The following FAM53A variants were observed in gnomAD, a reference collection of about 807,000 sequenced individuals.
FAM53A encodes the protein family with sequence similarity 53 member A.
A neutral mutation model predicts 26.6 loss-of-function variants in FAM53A; 28 were observed. That is an observed-to-expected ratio of 1.05 (90% CI 0.78 to 1.45). FAM53A has a LOEUF of 1.45. Among genes scored for constraint, FAM53A ranks in the 40% most tolerant of loss-of-function variants. FAM53A has a pLI of 0.00. For synonymous variants in FAM53A, 290 were observed against 253.1 expected (o/e 1.15, Z -1.38); for missense variants, 650 against 575.8 (o/e 1.13, Z -1.32).
rs1273719105 is a variant in FAM53A at position 1,630,630 on chromosome 4, A to G, written c.432-12519T>C. ...CTCACCGCCACTCCCAAGACAGGCC[A>G]GGAGCCTGCTCTAAACACCATCGTG... On this transcript the variant is annotated intron_variant, in intron 1 of 1. Coordinates refer to the FAM53A transcript ENST00000489029. This position sits in a 1 kb window ranked among gnomAD's most constrained non-coding sequence, Gnocchi z 4.3. Among the ~76,000 whole-genome samples, 1 of 152,192 alleles carries G rather than the reference A, an allele frequency of 6.6e-6. No individual in the cohort carries two copies. Among genetic ancestry groups the G allele is most frequent in the Non-Finnish European group, 1.5e-5 (1 of 68,032 alleles).
chr4:1,595,010 C>T, the FAM53A span, among the ~76,000 whole-genome samples: 1 of 152,346 alleles, frequency 6.6e-6, no homozygotes, highest in South Asian at 2.1e-4. Flanking sequence ...CCATCTGCCA[C>T]CCCATCCCCC....
downstream of FAM53A, among the ~76,000 whole-genome samples, chr4:1,613,210 G>C (rs1560098345): frequency 1.3e-5 from 2 of 152,244 alleles, no homozygotes; most frequent in African/African-American, 4.8e-5. Flanking sequence ...CACAGACTGA[G>C]TAATTTACAA....
the FAM53A span, among the ~76,000 whole-genome samples, chr4:1,603,753 G>T: frequency 6.6e-6 from 1 of 152,228 alleles, no homozygotes; most frequent in African/African-American, 2.4e-5. Context: ...TTGCCCCAAA[G>T]AAAGGGTTAA....
chr4:1,666,012 C>T (rs1714198460), intron 2 of FAM53A, among the ~76,000 whole-genome samples: 1 of 84,164 alleles, frequency 1.2e-5, no homozygotes, highest in South Asian at 4.6e-4. Context: ...TAAAATAAAA[C>T]CTGCACCTGC....
At chr4:1,606,626 G>A in the FAM53A span, among the ~76,000 whole-genome samples, 18 of 152,326 alleles carry the variant, frequency 1.2e-4, no homozygotes, top group South Asian at 4.2e-4. Flanking sequence ...GTCCTCTGAC[G>A]ATGGCTCGTT....
the FAM53A span, among the ~76,000 whole-genome samples, chr4:1,584,654 G>A: frequency 1.3e-5 from 2 of 152,208 alleles, no homozygotes; most frequent in African/African-American, 4.8e-5. Context: ...GGCAATGGAG[G>A]CTGGCTGTCA....
intron 1 of FAM53A, among the ~76,000 whole-genome samples, chr4:1,620,556 G>A (rs899494656): frequency 4.0e-5 from 6 of 151,364 alleles, no homozygotes; most frequent in Non-Finnish European, 7.4e-5. Context: ...CACCACATAG[G>A]ACGCCTGTAA....
the FAM53A span, among the ~76,000 whole-genome samples, chr4:1,578,382 G>C: frequency 0.015 from 2,246 of 152,232 alleles, 54 homozygotes; most frequent in African/African-American, 0.051. Context: ...CAGGCAGGAG[G>C]GGCCGACCAG....
chr4:1,632,774 C>T (rs945420871), intron 1 of FAM53A, among the ~76,000 whole-genome samples: 2 of 152,200 alleles, frequency 1.3e-5, no homozygotes, highest in African/African-American at 4.8e-5. Flanking sequence ...CACACGTGTG[C>T]ATATTATACA....
chr4:1,660,806 G>A (rs191878264), intron 2 of FAM53A, among the ~76,000 whole-genome samples: 5 of 151,828 alleles, frequency 3.3e-5, no homozygotes, highest in African/African-American at 4.8e-5. Context: ...GGAGAATGGC[G>A]TGAGGCAGAG....
At chr4:1,657,387 C>T (rs1713466372) in intron 3 of FAM53A, 21 bp downstream of exon 3, 1 of 1,611,006 alleles carries the variant, frequency 6.2e-7, no homozygotes, top group South Asian at 1.1e-5. Context: ...GGCCTCCGGC[C>T]ACAGCTCCTA....
chr4:1,619,859 G>A (rs1000482078), intron 1 of FAM53A, among the ~76,000 whole-genome samples: 8 of 152,150 alleles, frequency 5.3e-5, no homozygotes, highest in African/African-American at 1.7e-4. Context: ...TCTGCCCTGC[G>A]ATCATCTAAG....
At chr4:1,675,263 G>A (rs1238921489) in intron 1 of FAM53A, among the ~76,000 whole-genome samples, 1 of 152,164 alleles carries the variant, frequency 6.6e-6, no homozygotes, top group East Asian at 1.9e-4. Context: ...CAGGTGAGGA[G>A]TGGGACCCAG....
At position 1,649,855 on chromosome 4, in the gene FAM53A, A is replaced by AGGTGGCACAGGCATGGTGTTT. The variant is rs1560152329; in HGVS notation, c.882+5122_882+5123insAAACACCATGCCTGTGCCACC. On this transcript the variant is annotated intron_variant, in intron 4 of 4. Coordinates refer to ENST00000308132, the MANE Select transcript of FAM53A (RefSeq NM_001174070.3). ...AGGTGGCTCAGGTGTGGTGTTTGACAGTGAGGTGGCACAGGCGTGGTGTTT... is the reference window on the plus strand; with the variant it reads ...AGGTGGCTCAGGTGTGGTGTTTGACAGGTGGCACAGGCATGGTGTTTGTGAGGTGGCACAGGCGTGGTGTTT... Among the ~76,000 whole-genome samples the AGGTGGCACAGGCATGGTGTTT allele has an allele frequency of 3.5e-5, 5 of 141,734 alleles. No individual in the cohort carries two copies. The East Asian group carries it at 1.1e-3, about 30-fold the overall frequency. The allele number at this position is 141,734 out of a possible 152,430, so 93.0% of individuals were successfully genotyped here.
chr4:1,652,742 G>GCA (rs1278448277), intron 4 of FAM53A, among the ~76,000 whole-genome samples: 1 of 105,932 alleles, frequency 9.4e-6, no homozygotes, highest in African/African-American at 3.8e-5. Context: ...ACCACACACT[G>GCA]CACACACACA....
chr4:1,587,023 C>T, the FAM53A span, among the ~76,000 whole-genome samples: 6 of 152,138 alleles, frequency 3.9e-5, no homozygotes, highest in Non-Finnish European at 7.3e-5. Context: ...ACCCGTTGGC[C>T]ATTTGTGTGT....
At chr4:1,641,836 C>A (rs542373922) in intron 4 of FAM53A, among the ~76,000 whole-genome samples, 1 of 152,114 alleles carries the variant, frequency 6.6e-6, no homozygotes, top group Non-Finnish European at 1.5e-5. Flanking sequence ...CTCTCCTCAG[C>A]CCCCGCCCAG....
At chr4:1,649,301 C>T (rs950851226) in intron 4 of FAM53A, among the ~76,000 whole-genome samples, 1 of 152,188 alleles carries the variant, frequency 6.6e-6, no homozygotes, top group African/African-American at 2.4e-5. Context: ...CCTGCCTATC[C>T]TCTCTGTAAG....
chr4:1,579,406 C>T, the FAM53A span, among the ~76,000 whole-genome samples: 1 of 151,994 alleles, frequency 6.6e-6, no homozygotes. Context: ...CATGTCAAGC[C>T]CCTGCGTGGG....
Sources: gnomAD v4.1 joint callset for allele counts (sites outside exome capture counted in the v4.1 genomes callset) on GRCh38, gnomAD v4.1.1 for gene constraint, Gnocchi (gnomAD v3.1) non-coding constraint, MANE v1.5 for transcripts, NCBI Gene and HGNC (gene_info 2026-07-23, HGNC 2026-07-21) for gene names.